Variants in PHF20 observed in about 807,000 individuals in gnomAD.
PHF20 encodes glioma-expressed antigen 2.
A neutral mutation model predicts 113.5 loss-of-function variants in PHF20; 23 were observed. That is an observed-to-expected ratio of 0.20 (90% CI 0.15 to 0.29). The LOEUF is 0.29. PHF20 is among the 10% of genes least tolerant of loss of function. The pLI is 1.00. For synonymous variants in PHF20, 434 were observed against 457.3 expected (o/e 0.95, Z 0.65); for missense variants, 943 against 1,219.6 (o/e 0.77, Z 3.38).
At chr20:35,781,647 C>T (rs1265571745) in intron 1 of PHF20, among the ~76,000 whole-genome samples, 1 of 152,070 alleles carries the variant, frequency 6.6e-6, no homozygotes, top group Non-Finnish European at 1.5e-5. Context: ...CGTAACTCCT[C>T]AAAATTGAAA....
At chr20:35,921,407 T>C (rs2055509311) in intron 13 of PHF20, among the ~76,000 whole-genome samples, 1 of 151,946 alleles carries the variant, frequency 6.6e-6, no homozygotes, top group Admixed American at 6.6e-5. Context: ...TATTAGATAA[T>C]TGTTGGTTGG....
chr20:35,927,994 A>G, intron 14 of PHF20, 115 bp downstream of exon 14: 1 of 761,924 alleles, frequency 1.3e-6, no homozygotes. Context: ...AGCATCGGCT[A>G]GACTCCAGCT....
At chr20:35,915,415 C>G (rs1303904604) in intron 12 of PHF20, among the ~76,000 whole-genome samples, 1 of 151,804 alleles carries the variant, frequency 6.6e-6, no homozygotes, top group Non-Finnish European at 1.5e-5. Flanking sequence ...GAGACAGAGT[C>G]TCACTCTGTT....
chr20:35,802,246 C>T (rs1180521808), intron 2 of PHF20, among the ~76,000 whole-genome samples: 4 of 152,074 alleles, frequency 2.6e-5, no homozygotes, highest in African/African-American at 9.7e-5. Flanking sequence ...ACCTTATAGA[C>T]TGTGAAGTGA....
intron 2 of PHF20, among the ~76,000 whole-genome samples, chr20:35,826,429 T>C (rs1326197099): frequency 6.6e-6 from 1 of 152,112 alleles, no homozygotes; most frequent in Admixed American, 6.6e-5. Flanking sequence ...GAATGGAGAA[T>C]GTGGAGTCTG....
chr20:35,785,181 A>T (rs1047375973), intron 1 of PHF20, among the ~76,000 whole-genome samples: 2 of 152,116 alleles, frequency 1.3e-5, no homozygotes, highest in Non-Finnish European at 2.9e-5. Flanking sequence ...AATACTGCTG[A>T]CTTCTCTGCA....
At chr20:35,908,979 A>G (rs1338392614) in intron 10 of PHF20, among the ~76,000 whole-genome samples, 1 of 152,152 alleles carries the variant, frequency 6.6e-6, no homozygotes, top group Non-Finnish European at 1.5e-5. Context: ...GCAAACAAAG[A>G]TAGTGTTATT....
At chr20:35,806,791 C>CTTTTTT (rs751352334) in intron 2 of PHF20, among the ~76,000 whole-genome samples, 21 of 113,008 alleles carry the variant, frequency 1.9e-4, no homozygotes, top group Admixed American at 1.9e-4. Flanking sequence ...GACCTTTACT[C>CTTTTTT]TTTTTTTTTT....
intron 13 of PHF20, among the ~76,000 whole-genome samples, chr20:35,926,449 C>T (rs1192137928): frequency 1.0e-4 from 15 of 150,386 alleles, no homozygotes; most frequent in East Asian, 2.0e-4. Context: ...CTGTGTTAGC[C>T]AGGATGGTCT....
At chr20:35,939,226 A>G in intron 16 of PHF20, 118 bp downstream of exon 16, 3 of 1,218,106 alleles carry the variant, frequency 2.5e-6, no homozygotes, top group Non-Finnish European at 3.3e-6. Context: ...AAATTTGCTT[A>G]CCATAGATAT....
chr20:35,783,675 C>T (rs1394395883), intron 1 of PHF20, among the ~76,000 whole-genome samples: 2 of 151,888 alleles, frequency 1.3e-5, no homozygotes, highest in African/African-American at 4.8e-5. Context: ...ATTCTCCTGC[C>T]TCGGCCTTCC....
chr20:35,938,594 C>G (rs1441570632), intron 15 of PHF20, 103 bp from the exon 16 acceptor site: 1 of 1,145,258 alleles, frequency 8.7e-7, no homozygotes, highest in East Asian at 2.4e-5. Context: ...TCAGATGGCC[C>G]AGGTGGAGCT....
chr20:35,809,914 AG>A (rs1449901486), intron 2 of PHF20, among the ~76,000 whole-genome samples: 1 of 152,136 alleles, frequency 6.6e-6, no homozygotes, highest in Non-Finnish European at 1.5e-5. Flanking sequence ...TGTCAAACCA[AG>A]GACAGTTTGT....
intron 9 of PHF20, chr20:35,878,728 C>G (rs2147007122): frequency 1.3e-6 from 1 of 758,952 alleles, no homozygotes; most frequent in African/African-American, 1.7e-5. Context: ...AAAACCTAAG[C>G]CTTAGAAGAA....
At chr20:35,793,500 A>G (rs1267737434) in intron 1 of PHF20, among the ~76,000 whole-genome samples, 5 of 150,680 alleles carry the variant, frequency 3.3e-5, no homozygotes, top group Non-Finnish European at 5.9e-5. Context: ...GGGTTTCACC[A>G]TATTGGCCAG....
chr20:35,915,264 G>A (rs1362329377), intron 12 of PHF20, among the ~76,000 whole-genome samples: 1 of 150,390 alleles, frequency 6.6e-6, no homozygotes. Flanking sequence ...GCAGGTGAAT[G>A]ATGGTATTTG....
Position 35,858,443 on chromosome 20 carries a change from T to C in PHF20, c.420+62T>C, listed in dbSNP as rs1478469094. The C allele has an allele frequency of 9.2e-6, 8 of 870,720 alleles. No homozygotes were observed. The East Asian group carries it at 1.5e-4, about 17-fold the overall frequency. The allele number at this position is 870,720 out of a possible 1,614,324, so 53.9% of individuals were successfully genotyped here. On this transcript the variant is annotated intron_variant, in intron 5 of 17. Transcript: ENST00000374012. ...ATGCTAACATTGTAGTTTTGTTTCC[T>C]CAAATAAAGACATTACATTTGTTTA...
intron 9 of PHF20, among the ~76,000 whole-genome samples, chr20:35,894,928 T>C (rs550467007): frequency 3.9e-5 from 6 of 152,280 alleles, no homozygotes; most frequent in Non-Finnish European, 7.4e-5. Flanking sequence ...CAATCTCGGC[T>C]CACTGCGATC....
intron 4 of PHF20, among the ~76,000 whole-genome samples, chr20:35,848,450 A>G (rs905413318): frequency 4.6e-5 from 7 of 152,030 alleles, no homozygotes; most frequent in Non-Finnish European, 7.4e-5. Flanking sequence ...TTTTTAGTAG[A>G]GACGGGGTTT....
Sources: gnomAD v4.1 joint callset for allele counts (sites outside exome capture counted in the v4.1 genomes callset) on GRCh38, gnomAD v4.1.1 for gene constraint, MANE v1.5 for transcripts, NCBI Gene and HGNC (gene_info 2026-07-23, HGNC 2026-07-21) for gene names.